Variants in CDH6 observed in about 807,000 individuals in gnomAD.
The protein encoded by CDH6 is cadherin-6.
In CDH6, 31 loss-of-function variants were observed where a neutral mutation model predicts 78.0. The observed-to-expected ratio is 0.40, with a 90% CI of 0.30 to 0.54. The LOEUF (loss-of-function observed/expected upper bound fraction) is 0.54, where lower values mean the gene tolerates loss of function less well. CDH6 is among the 20% of genes least tolerant of loss of function. CDH6 has a pLI of 0.56. For missense variants in CDH6, 724 were observed against 975.9 expected (o/e 0.74, Z 3.44); for synonymous variants, 376 against 368.8 (o/e 1.02, Z -0.23).
intron 1 of CDH6, among the ~76,000 whole-genome samples, chr5:31,210,815 G>A (rs1740683513): frequency 6.6e-6 from 1 of 151,752 alleles, no homozygotes; most frequent in African/African-American, 2.4e-5. Flanking sequence ...TTATTTTTTG[G>A]GTTTTTTTTC....
intron 1 of CDH6, among the ~76,000 whole-genome samples, chr5:31,197,308 A>G (rs1441836068): frequency 1.3e-5 from 2 of 152,182 alleles, no homozygotes; most frequent in African/African-American, 4.8e-5. Flanking sequence ...CAATTTAAAA[A>G]TCTGTTCTAA....
intron 3 of CDH6, among the ~76,000 whole-genome samples, chr5:31,296,252 A>G (rs1194439501): frequency 1.3e-5 from 2 of 152,188 alleles, no homozygotes; most frequent in Non-Finnish European, 2.9e-5. Flanking sequence ...AACAGCCATT[A>G]AGTGATCTTA....
At chr5:31,297,741 T>C (rs961073012) in intron 4 of CDH6, among the ~76,000 whole-genome samples, 1 of 152,182 alleles carries the variant, frequency 6.6e-6, no homozygotes, top group Admixed American at 6.5e-5. Flanking sequence ...TTTCTAATTA[T>C]TTAGTAGGAT....
chr5:31,216,757 T>C (rs931454622), intron 1 of CDH6, among the ~76,000 whole-genome samples: 1 of 150,676 alleles, frequency 6.6e-6, no homozygotes, highest in African/African-American at 2.4e-5. Context: ...CATTGGGAAG[T>C]CAGTTATCCA....
At chr5:31,284,527 A>T (rs1009869788) in intron 2 of CDH6, among the ~76,000 whole-genome samples, 1 of 152,188 alleles carries the variant, frequency 6.6e-6, no homozygotes, top group Non-Finnish European at 1.5e-5. Flanking sequence ...TTTCATTCCC[A>T]TGAGCCTTCC....
intron 6 of CDH6, among the ~76,000 whole-genome samples, chr5:31,302,698 G>A (rs182993860): frequency 1.9e-4 from 16 of 83,666 alleles, no homozygotes; most frequent in African/African-American, 6.0e-4. Context: ...AGGTGACAGA[G>A]TGAGACTCTG....
chr5:31,199,794 A>T (rs940894960), intron 1 of CDH6, among the ~76,000 whole-genome samples: 44 of 150,092 alleles, frequency 2.9e-4, no homozygotes, highest in African/African-American at 9.8e-4. Flanking sequence ...ATAAATAATA[A>T]ACTAACCTTT....
chr5:31,327,790 G>A lies in CDH6; in HGVS notation c.*4482G>A. The stretch of plus-strand genomic sequence containing the variant: ...GGGTAATTCTCTACTAAAAATATCA[G>A]ACCCCGACCATATTTAATGTGGAGA... On this transcript the variant is annotated 3_prime_UTR_variant, in exon 12 of 12. Transcript: ENST00000265071. The A allele has an allele frequency of 4.7e-6, 1 of 211,260 alleles. No individual in the cohort carries two copies. The highest frequency in any genetic ancestry group is 9.6e-6 in the Non-Finnish European group (1 of 104,272). The allele number at this position is 211,260 out of a possible 1,614,324, so 13.1% of individuals were successfully genotyped here.
Position 31,323,069 on chromosome 5 carries a change from G to A in CDH6, c.2134G>A (p.Val712Ile), listed in dbSNP as rs1484306806. The change falls in exon 12 of 12, where the codon GTC becomes ATC. Residue 712 changes from valine to isoleucine, a missense_variant. This residue lies in a region of CDH6 where 220 missense variants were observed against 240.6 expected (regional missense o/e 0.91). Transcript: ENST00000265071. ...TCCAACAGCTCGCGACAACACCGAT[G>A]TCAGAGATTTCATTAACCAAAGGTT... ...RTPTARDNTD[V>I]RDFINQRLKE... The A allele has an allele frequency of 2.5e-6, 4 of 1,614,158 alleles. No homozygotes were observed. The East Asian group carries it at 6.7e-5, about 27-fold the overall frequency.
chr5:31,304,088 A>G (rs1473217289), intron 6 of CDH6, among the ~76,000 whole-genome samples: 1 of 152,156 alleles, frequency 6.6e-6, no homozygotes, highest in Non-Finnish European at 1.5e-5. Flanking sequence ...CTTGACAACA[A>G]TGATCACTAC....
At chr5:31,293,832 A>AAG (rs1247879675) in intron 2 of CDH6, 130 bp from the exon 3 acceptor site, 1 of 518,162 alleles carries the variant, frequency 1.9e-6, no homozygotes, top group African/African-American at 2.0e-5. Flanking sequence ...GTAAATAGTA[A>AAG]AAAAAAAAAA....
At chr5:31,283,761 T>C (rs1156294925) in intron 2 of CDH6, among the ~76,000 whole-genome samples, 1 of 152,040 alleles carries the variant, frequency 6.6e-6, no homozygotes, top group African/African-American at 2.4e-5. Context: ...ACAGGAGATA[T>C]GAAGGCAGCC....
intron 1 of CDH6, among the ~76,000 whole-genome samples, chr5:31,266,645 A>G (rs1019495753): frequency 6.6e-6 from 1 of 152,240 alleles, no homozygotes; most frequent in Admixed American, 6.5e-5. Context: ...AGGAAAAAAA[A>G]AAAAGTTTTC....
Position 31,323,075 on chromosome 5 carries a change from G to T in CDH6, c.2140G>T (p.Asp714Tyr), listed in dbSNP as rs138302316. The T allele has an allele frequency of 6.2e-7, 1 of 1,614,066 alleles. No homozygotes were observed. The highest frequency in any genetic ancestry group is 8.5e-7 in the Non-Finnish European group (1 of 1,180,054). The change falls in exon 12 of 12, where the codon GAT (aspartate) becomes TAT (tyrosine). Residue 714 changes from aspartate (D) to tyrosine (Y), a missense_variant. Transcript: ENST00000265071. ...PTARDNTDVR[D>Y]FINQRLKEND... ...AGCTCGCGACAACACCGATGTCAGA[G>T]ATTTCATTAACCAAAGGTTAAAGGA... is the stretch of plus-strand genomic sequence containing the variant.
intron 1 of CDH6, among the ~76,000 whole-genome samples, chr5:31,257,707 T>G (rs976157443): frequency 3.9e-5 from 6 of 152,156 alleles, no homozygotes; most frequent in Non-Finnish European, 8.8e-5. Flanking sequence ...CTACTCTGTC[T>G]GTGCCTTTCA....
At chr5:31,309,690 A>C (rs1738090725) in intron 7 of CDH6, among the ~76,000 whole-genome samples, 2 of 152,158 alleles carry the variant, frequency 1.3e-5, no homozygotes, top group South Asian at 2.1e-4. Flanking sequence ...ATTCATGAAA[A>C]GGTTTAATTG....
chr5:31,284,281 T>C, intron 2 of CDH6, among the ~76,000 whole-genome samples: 1 of 152,224 alleles, frequency 6.6e-6, no homozygotes, highest in East Asian at 1.9e-4. Flanking sequence ...ATGGGGTTTG[T>C]ACTAGGAATT....
At chr5:31,201,827 A>T (rs1740357094) in intron 1 of CDH6, among the ~76,000 whole-genome samples, 1 of 152,200 alleles carries the variant, frequency 6.6e-6, no homozygotes, top group Non-Finnish European at 1.5e-5. Flanking sequence ...ACTAAACAAA[A>T]GCCATTTAAT....
chr5:31,269,265 T>TA (rs58366711), intron 2 of CDH6, among the ~76,000 whole-genome samples: 36,151 of 138,106 alleles, frequency 0.26, 5,343 homozygotes, highest in Non-Finnish European at 0.34. Context: ...CACATATTCT[T>TA]AAAAAAAAAA....
Sources: gnomAD v4.1 joint callset for allele counts (sites outside exome capture counted in the v4.1 genomes callset) on GRCh38, gnomAD v4.1.1 for gene constraint, gnomAD v4.1.1 regional missense constraint, MANE v1.5 for transcripts, NCBI Gene and HGNC (gene_info 2026-07-23, HGNC 2026-07-21) for gene names.